GRAMD1B: variants seen among roughly 807,000 people sequenced by gnomAD.
GRAMD1B encodes the protein protein Aster-B.
A neutral mutation model predicts 99.7 loss-of-function variants in GRAMD1B; 37 were observed. The ratio of observed to expected loss-of-function variants is 0.37; its 90% CI spans 0.29 to 0.49. GRAMD1B has a LOEUF of 0.49. Among genes scored for constraint, GRAMD1B ranks in the 20% least tolerant of loss-of-function variants. The pLI, the probability that GRAMD1B is intolerant of heterozygous loss-of-function variation, is 0.98. For missense variants in GRAMD1B, 888 were observed against 1,009.2 expected (o/e 0.88, Z 1.63); for synonymous variants, 427 against 387.6 (o/e 1.10, Z -1.19).
At chr11:123,466,050 C>T (rs560813032) in intron 1 of GRAMD1B, among the ~76,000 whole-genome samples, 13 of 152,040 alleles carry the variant, frequency 8.6e-5, no homozygotes, top group Non-Finnish European at 1.3e-4. Context: ...CCTACGCGGG[C>T]GGATCACTTG....
chr11:123,444,473 CA>C (rs1003699041), intron 1 of GRAMD1B, among the ~76,000 whole-genome samples: 53 of 142,770 alleles, frequency 3.7e-4, no homozygotes, highest in East Asian at 2.2e-3. Context: ...GCTTGGGCCT[CA>C]AAAAAAAAAA....
At position 123,584,501 on chromosome 11, in the gene GRAMD1B, G is replaced by T. The variant is rs539243930; in HGVS notation, c.684+169G>T. Among the ~76,000 whole-genome samples, 46 of 111,710 alleles carry T rather than the reference G, an allele frequency of 4.1e-4. 1 individual carries two copies. In the South Asian group the frequency reaches 0.013, roughly 33 times the overall value. The allele number at this position is 111,710 out of a possible 152,430, so 73.3% of individuals were successfully genotyped here. Reference sequence around the variant, plus strand: ...CGGTTATTTTCTTCAGCAGGACAGGGCAGCCTTGGGGAGGGAGGATTGCAT... The same window carrying T: ...CGGTTATTTTCTTCAGCAGGACAGGTCAGCCTTGGGGAGGGAGGATTGCAT... On this transcript the variant is annotated intron_variant, in intron 4 of 19. Coordinates refer to ENST00000635736, the MANE Select transcript of GRAMD1B (RefSeq NM_001387025.1).
At chr11:123,535,502 G>A (rs1361557275) in intron 2 of GRAMD1B, among the ~76,000 whole-genome samples, 1 of 152,128 alleles carries the variant, frequency 6.6e-6, no homozygotes, top group Non-Finnish European at 1.5e-5. Flanking sequence ...ATTGAGAGAA[G>A]GTTTGCTGAG....
Position 123,563,358 on chromosome 11 carries a change from G to T in GRAMD1B, c.453-14009G>T, listed in dbSNP as rs1294877260. Among the ~76,000 whole-genome samples the T allele has an allele frequency of 2.0e-5, 3 of 152,294 alleles. No homozygotes were observed. The East Asian group carries it at 5.8e-4, about 29-fold the overall frequency. ...AGGAGAAGTGATTTTTAACTTCAGA[G>T]AATAGGTTTAAGGAAGTAGAATTGT... On this transcript the variant is annotated intron_variant, in intron 2 of 19. Transcript: ENST00000635736.
chr11:123,619,738 T>C (rs2137134598), intron 19 of GRAMD1B, among the ~76,000 whole-genome samples: 1 of 152,278 alleles, frequency 6.6e-6, no homozygotes, highest in East Asian at 1.9e-4. Context: ...CCCGCAAAAC[T>C]AGATCAACTA....
rs111561559 is a variant in GRAMD1B at position 123,562,740 on chromosome 11, C to T, written c.453-14627C>T. ...GGGGTAAAATTGTTCATCCTTCTGC[C>T]GAAACTTGGATTTGTCTCATTGGGG... On this transcript the variant is annotated intron_variant, in intron 2 of 19. Transcript: ENST00000635736. Among the ~76,000 whole-genome samples, 638 of 152,062 alleles carry T rather than the reference C, an allele frequency of 4.2e-3. 1 individual carries two copies. The highest frequency in any genetic ancestry group is 0.01 in the Middle Eastern group (3 of 292).
At chr11:123,435,640 A>T in intron 1 of GRAMD1B, 1 of 533,360 alleles carries the variant, frequency 1.9e-6, no homozygotes, top group Non-Finnish European at 3.3e-6. Context: ...GACCTCTTAC[A>T]GTGATCTATA....
intron 2 of GRAMD1B, among the ~76,000 whole-genome samples, chr11:123,544,074 G>A (rs1198543456): frequency 6.6e-6 from 1 of 152,174 alleles, no homozygotes; most frequent in African/African-American, 2.4e-5. Context: ...TTCTTAATGA[G>A]GGCCTCCTTT....
chr11:123,600,429 C>T (rs1387474343), intron 7 of GRAMD1B, 39 bp from the exon 8 acceptor site: 20 of 1,302,140 alleles, frequency 1.5e-5, no homozygotes, highest in Non-Finnish European at 1.7e-5. Context: ...TATATTGTAA[C>T]TCAACAGATA....
At chr11:123,618,827 C>G in intron 18 of GRAMD1B, 27 bp downstream of exon 18, 1 of 1,088,462 alleles carries the variant, frequency 9.2e-7, no homozygotes. Context: ...CCCCTCACCT[C>G]CACCTTCATC....
intron 1 of GRAMD1B, among the ~76,000 whole-genome samples, chr11:123,391,472 TGA>T (rs1223841348): frequency 6.6e-6 from 1 of 152,148 alleles, no homozygotes; most frequent in Non-Finnish European, 1.5e-5. Flanking sequence ...TTTGTTTGTT[TGA>T]GAGAGAGAGT....
rs564028229 is a variant in GRAMD1B, at chr11:123,402,040, AAAAGGCC to A, written c.-176+43243_-176+43249del. ...ATCCACCTTCATCACTAATGTCCCCAAAAGGCCACGTTCTTTTCAGGTTGGAGTACAA... is the reference window on the plus strand; with the variant it reads ...ATCCACCTTCATCACTAATGTCCCCAACGTTCTTTTCAGGTTGGAGTACAA... On this transcript the variant is annotated intron_variant, in intron 1 of 20. Transcript: ENST00000638157. Among the ~76,000 whole-genome samples the A allele has an allele frequency of 7.9e-5, 12 of 152,348 alleles. No individual in the cohort carries two copies. In the South Asian group the frequency reaches 8.3e-4, roughly 11 times the overall value.
intron 1 of GRAMD1B, among the ~76,000 whole-genome samples, chr11:123,391,018 C>G (rs890057424): frequency 6.6e-6 from 1 of 152,224 alleles, no homozygotes; most frequent in Non-Finnish European, 1.5e-5. Context: ...ACCGGAGGGA[C>G]GCACACAAGC....
Position 123,389,107 on chromosome 11 carries a change from G to C in GRAMD1B, c.-176+30308G>C, listed in dbSNP as rs140207266. Among the ~76,000 whole-genome samples, 1,248 of 152,084 alleles carry C rather than the reference G, an allele frequency of 8.2e-3. 17 individuals are homozygous for C. Among genetic ancestry groups the C allele is most frequent in the African/African-American group, 0.029 (1,194 of 41,474 alleles). On this transcript the variant is annotated intron_variant, in intron 1 of 20. Coordinates refer to the GRAMD1B transcript ENST00000638157. ...AAACAACAGTAAAAAAATCCCGACCGGGCACGGTGGCTCACACCTGTAATC... is the reference window on the plus strand; with the variant it reads ...AAACAACAGTAAAAAAATCCCGACCCGGCACGGTGGCTCACACCTGTAATC...
intron 7 of GRAMD1B, among the ~76,000 whole-genome samples, chr11:123,599,618 A>G (rs1274209): frequency 1 from 152,269 of 152,318 alleles, 76,110 homozygotes; most frequent in Middle Eastern, 1. Context: ...GATTACAGGC[A>G]CTCACCACCA....
intron 7 of GRAMD1B, chr11:123,598,628 G>A: frequency 7.3e-7 from 1 of 1,378,646 alleles, no homozygotes; most frequent in Non-Finnish European, 1.0e-6. Flanking sequence ...CTGGGATCCT[G>A]CCACATTTCA....
At chr11:123,442,692 C>A (rs1221307479) in intron 1 of GRAMD1B, among the ~76,000 whole-genome samples, 4 of 152,132 alleles carry the variant, frequency 2.6e-5, no homozygotes, top group Admixed American at 2.6e-4. Context: ...ATTGCTTGAA[C>A]CTGGGAGGTG....
At chr11:123,599,285 G>T (rs1592210582) in intron 7 of GRAMD1B, 2 of 729,924 alleles carry the variant, frequency 2.7e-6, no homozygotes, top group East Asian at 2.7e-5. Context: ...AATCCCTTGG[G>T]TTCCCACTGA....
intron 2 of GRAMD1B, among the ~76,000 whole-genome samples, chr11:123,486,395 A>G (rs900897480): frequency 6.6e-6 from 1 of 151,990 alleles, no homozygotes; most frequent in Non-Finnish European, 1.5e-5. Context: ...CAAAACTACA[A>G]AAAATTAGCC....
Sources: allele counts gnomAD v4.1 joint callset (sites outside exome capture counted in the v4.1 genomes callset), GRCh38; gene constraint gnomAD v4.1.1; transcripts MANE v1.5; gene names NCBI Gene and HGNC (gene_info 2026-07-23, HGNC 2026-07-21).